Variants in FUT8 observed in about 807,000 individuals in gnomAD.
FUT8 encodes fucosyltransferase 8, also known as alpha-(1,6)-fucosyltransferase.
FUT8 carries 29 observed loss-of-function variants against 71.3 expected under a neutral mutation model. That is an observed-to-expected ratio of 0.41 (90% CI 0.30 to 0.55). FUT8 has a LOEUF of 0.55. Among genes scored for constraint, FUT8 ranks in the 20% least tolerant of loss-of-function variants. FUT8 has a pLI of 0.34. For synonymous variants in FUT8, 254 were observed against 239.3 expected, an observed-to-expected ratio of 1.06 and a Z score of -0.57; for missense variants, 544 against 702.1, an observed-to-expected ratio of 0.77 and a Z score of 2.55.
intron 6 of FUT8, among the ~76,000 whole-genome samples, chr14:65,633,858 G>GC (rs1890369183): frequency 6.6e-6 from 1 of 151,972 alleles, no homozygotes; most frequent in Admixed American, 6.6e-5. Flanking sequence ...TGGGGGGTCA[G>GC]CCCCCACTCG....
intron 2 of FUT8, among the ~76,000 whole-genome samples, chr14:65,514,742 C>G (rs1053042225): frequency 6.6e-6 from 1 of 150,988 alleles, no homozygotes; most frequent in African/African-American, 2.4e-5. Flanking sequence ...TTTTAGGGTA[C>G]ATGTGCACAT....
chr14:65,734,658 A>G (rs939467350), intron 10 of FUT8, among the ~76,000 whole-genome samples: 1 of 152,168 alleles, frequency 6.6e-6, no homozygotes, highest in African/African-American at 2.4e-5. Flanking sequence ...GTTCCTTGCA[A>G]CTGTTTTTGA....
At chr14:65,533,815 A>G (rs1286730248) in intron 2 of FUT8, among the ~76,000 whole-genome samples, 3 of 152,094 alleles carry the variant, frequency 2.0e-5, no homozygotes, top group Non-Finnish European at 4.4e-5. Flanking sequence ...TACCTAGTTC[A>G]TTGAGAGTTT....
At chr14:65,402,143 A>G in the FUT8 span, among the ~76,000 whole-genome samples, 1 of 150,380 alleles carries the variant, frequency 6.6e-6, no homozygotes, top group Non-Finnish European at 1.5e-5. Flanking sequence ...TAAGTTGCAT[A>G]GTCTTCTCAG....
intron 3 of FUT8, among the ~76,000 whole-genome samples, chr14:65,599,363 C>A (rs1888179961): frequency 1.3e-5 from 2 of 152,140 alleles, no homozygotes; most frequent in South Asian, 4.2e-4. Flanking sequence ...TCTTCTTCAT[C>A]TTTATTGTAA....
chr14:65,543,057 C>CGTG, intron 2 of FUT8, among the ~76,000 whole-genome samples: 1 of 152,292 alleles, frequency 6.6e-6, no homozygotes, highest in Admixed American at 6.5e-5. Flanking sequence ...GCTGGGATTA[C>CGTG]AGGCGTGAGC....
intron 2 of FUT8, among the ~76,000 whole-genome samples, chr14:65,535,407 A>G (rs1884239356): frequency 6.6e-6 from 1 of 152,028 alleles, no homozygotes; most frequent in Admixed American, 6.6e-5. Flanking sequence ...AGCTCTTTCT[A>G]ACTTTTTGAT....
At chr14:65,671,140 G>A (rs940891592) in intron 7 of FUT8, among the ~76,000 whole-genome samples, 43 of 152,102 alleles carry the variant, frequency 2.8e-4, no homozygotes, top group African/African-American at 1.0e-3. Flanking sequence ...TTCCTTGATT[G>A]TGGAAATAAT....
intron 10 of FUT8, among the ~76,000 whole-genome samples, chr14:65,738,731 C>T (rs951695461): frequency 7.9e-5 from 12 of 151,986 alleles, no homozygotes; most frequent in African/African-American, 2.4e-4. Flanking sequence ...TGACTAAATG[C>T]GAACATTAAC....
intron 5 of FUT8, 24 bp downstream of exon 5, chr14:65,616,397 A>G: frequency 6.5e-7 from 1 of 1,527,248 alleles, no homozygotes; most frequent in Non-Finnish European, 8.8e-7. Context: ...TTCACATTTT[A>G]TTTGGGCTTT....
chr14:65,519,487 G>A (rs1882940927), intron 2 of FUT8, among the ~76,000 whole-genome samples: 1 of 152,114 alleles, frequency 6.6e-6, no homozygotes, highest in African/African-American at 2.4e-5. Context: ...TCTAACAGGA[G>A]GTAAGTTTTT....
the FUT8 span, among the ~76,000 whole-genome samples, chr14:65,376,093 A>G: frequency 1.3e-5 from 2 of 150,814 alleles, no homozygotes; most frequent in African/African-American, 4.8e-5. Context: ...CCTGTCTCAA[A>G]AAAAAAAAAA....
intron 1 of FUT8, among the ~76,000 whole-genome samples, chr14:65,429,657 A>T (rs2139421951): frequency 6.6e-6 from 1 of 152,064 alleles, no homozygotes; most frequent in South Asian, 2.1e-4. Context: ...GAGCCCAGGA[A>T]TTTGAGATCA....
intron 3 of FUT8, among the ~76,000 whole-genome samples, chr14:65,593,231 T>C (rs1887785430): frequency 6.6e-6 from 1 of 152,208 alleles, no homozygotes; most frequent in African/African-American, 2.4e-5. Context: ...TTTTGAATCT[T>C]TATGTGTCAA....
intron 3 of FUT8, among the ~76,000 whole-genome samples, chr14:65,598,548 G>A (rs1238680629): frequency 1.3e-5 from 2 of 152,128 alleles, no homozygotes; most frequent in East Asian, 1.9e-4. Flanking sequence ...TTAAATAATA[G>A]TGATGTGGTT....
At chr14:65,712,634 G>A (rs1894862035) in intron 7 of FUT8, among the ~76,000 whole-genome samples, 1 of 152,066 alleles carries the variant, frequency 6.6e-6, no homozygotes, top group African/African-American at 2.4e-5. Flanking sequence ...TAGTAGAGAT[G>A]GAGTTTCTCC....
chr14:65,378,475 A>C, the FUT8 span, among the ~76,000 whole-genome samples: 5 of 152,198 alleles, frequency 3.3e-5, no homozygotes, highest in Admixed American at 3.3e-4. Context: ...GGATGTAAGT[A>C]AGAGGGAAGA....
chr14:65,546,875 A>G (rs1885013065), intron 2 of FUT8, among the ~76,000 whole-genome samples: 1 of 151,746 alleles, frequency 6.6e-6, no homozygotes, highest in Non-Finnish European at 1.5e-5. Context: ...AAGATTTACA[A>G]ATACGCATTC....
At chr14:65,389,689 A>C in the FUT8 span, among the ~76,000 whole-genome samples, 1 of 151,914 alleles carries the variant, frequency 6.6e-6, no homozygotes. Flanking sequence ...TCCTGAGCTC[A>C]TGTGATCTGC....
Sources: gnomAD v4.1 joint callset for allele counts (sites outside exome capture counted in the v4.1 genomes callset) on GRCh38, gnomAD v4.1.1 for gene constraint, MANE v1.5 for transcripts, NCBI Gene and HGNC (gene_info 2026-07-23, HGNC 2026-07-21) for gene names.